RXRA: variants seen among roughly 807,000 people sequenced by gnomAD.
RXRA encodes retinoic acid receptor RXR-alpha.
A neutral mutation model predicts 44.5 loss-of-function variants in RXRA; 5 were observed. The ratio of observed to expected loss-of-function variants is 0.11; its 90% CI spans 0.06 to 0.24. The LOEUF (loss-of-function observed/expected upper bound fraction) is 0.24, where lower values mean the gene tolerates loss of function less well. RXRA is among the 10% of genes least tolerant of loss of function. RXRA has a pLI of 1.00. For missense variants in RXRA, 412 were observed against 646.5 expected, an observed-to-expected ratio of 0.64 and a Z score of 3.93; for synonymous variants, 291 against 271.4, an observed-to-expected ratio of 1.07 and a Z score of -0.71.
chr9:134,428,246 C>A (rs1831467665), intron 6 of RXRA, among the ~76,000 whole-genome samples: 1 of 147,282 alleles, frequency 6.8e-6, no homozygotes, highest in Admixed American at 6.8e-5. Context: ...TGTTGAGGGG[C>A]TGCTGTTACC....
intron 6 of RXRA, chr9:134,425,307 A>C: frequency 5.1e-6 from 5 of 985,262 alleles, no homozygotes; most frequent in Non-Finnish European, 6.0e-6. Flanking sequence ...TAAAGCATTA[A>C]AATGAAGAGT....
chr9:134,416,573 G>A (rs1831238429), intron 4 of RXRA, among the ~76,000 whole-genome samples: 1 of 152,156 alleles, frequency 6.6e-6, no homozygotes, highest in South Asian at 2.1e-4. Context: ...AGGGCCCAGT[G>A]TCCTTGGGAG....
intron 1 of RXRA, among the ~76,000 whole-genome samples, chr9:134,330,460 C>T (rs1486083588): frequency 1.3e-5 from 2 of 152,190 alleles, no homozygotes; most frequent in African/African-American, 2.4e-5. Context: ...TGGGGGTCAC[C>T]TTCCAGACCT....
At chr9:134,377,557 C>T (rs76777717) in intron 1 of RXRA, among the ~76,000 whole-genome samples, 4 of 152,168 alleles carry the variant, frequency 2.6e-5, no homozygotes, top group African/African-American at 9.7e-5. Flanking sequence ...GCCAGCACAC[C>T]CACACCCCCA....
intron 4 of RXRA, among the ~76,000 whole-genome samples, chr9:134,413,599 A>T (rs1831186907): frequency 6.6e-6 from 1 of 152,174 alleles, no homozygotes; most frequent in Non-Finnish European, 1.5e-5. Context: ...TGGGCTGCAC[A>T]AGGGACGGAG....
chr9:134,410,763 A>G (rs34682612), intron 4 of RXRA, among the ~76,000 whole-genome samples: 3,299 of 152,316 alleles, frequency 0.022, 65 homozygotes, highest in Admixed American at 0.047. Flanking sequence ...AGGATGCCAC[A>G]GCACAGAGAG....
intron 1 of RXRA, among the ~76,000 whole-genome samples, chr9:134,362,775 G>GTCCCGGTCAGC (rs1830368128): frequency 6.6e-6 from 1 of 152,258 alleles, no homozygotes; most frequent in African/African-American, 2.4e-5. Context: ...CCCTCATGTG[G>GTCCCGGTCAGC]TCCCGGTCAG....
At chr9:134,382,224 C>T (rs1204545364) in intron 1 of RXRA, among the ~76,000 whole-genome samples, 2 of 152,068 alleles carry the variant, frequency 1.3e-5, no homozygotes, top group Admixed American at 6.5e-5. Context: ...CTGCTGCTGC[C>T]CCTGTGGCCG....
At chr9:134,337,280 G>A (rs1279018575) in intron 1 of RXRA, among the ~76,000 whole-genome samples, 1 of 152,080 alleles carries the variant, frequency 6.6e-6, no homozygotes, top group Non-Finnish European at 1.5e-5. Context: ...GGAAGTAAGC[G>A]CCTCCCACCT....
At chr9:134,358,475 G>A (rs1724034208) in intron 1 of RXRA, among the ~76,000 whole-genome samples, 1 of 152,140 alleles carries the variant, frequency 6.6e-6, no homozygotes, top group African/African-American at 2.4e-5. Context: ...GGCCTGTAAT[G>A]GGGAGGTCAG....
intron 4 of RXRA, among the ~76,000 whole-genome samples, chr9:134,412,764 C>A (rs563625912): frequency 7.4e-4 from 112 of 152,284 alleles, no homozygotes; most frequent in Non-Finnish European, 1.3e-3. Flanking sequence ...AGACAGGCCT[C>A]ACCCTTGGGG....
At chr9:134,344,773 C>T (rs570643183) in intron 1 of RXRA, among the ~76,000 whole-genome samples, 6 of 152,332 alleles carry the variant, frequency 3.9e-5, no homozygotes, top group Admixed American at 3.3e-4. Flanking sequence ...CCACTCTGAC[C>T]GGTGTCTGTC....
At chr9:134,329,775 C>T (rs1834974648) in intron 1 of RXRA, among the ~76,000 whole-genome samples, 1 of 152,222 alleles carries the variant, frequency 6.6e-6, no homozygotes, top group Admixed American at 6.5e-5. Flanking sequence ...CTCTCTTGGC[C>T]CCTGCCCCAT....
intron 1 of RXRA, among the ~76,000 whole-genome samples, chr9:134,345,037 G>A (rs3750545): frequency 3.5e-4 from 53 of 152,288 alleles, no homozygotes; most frequent in Admixed American, 2.7e-3. Flanking sequence ...CCAGAATCAC[G>A]AGGCCCAGTG....
rs930051825 is a variant in RXRA, at chr9:134,433,017, G to A, written c.1135+1021G>A. ...GTGGAGGGAGAGGTTTGGGGCTGCT[G>A]TGGGGAGCTCACTTGGGCTATGGTG... On this transcript the variant is annotated intron_variant, in intron 8 of 9. Coordinates refer to ENST00000481739, the MANE Select transcript of RXRA (RefSeq NM_002957.6). The surrounding 1 kb of genome is among the most constrained non-coding windows in gnomAD (Gnocchi z 4.2). Among the ~76,000 whole-genome samples the A allele has an allele frequency of 6.6e-6, 1 of 152,134 alleles. No individual in the cohort carries two copies. The highest frequency in any genetic ancestry group is 6.5e-5 in the Admixed American group (1 of 15,276).
intron 6 of RXRA, chr9:134,424,980 G>C (rs1397769343): frequency 4.0e-5 from 39 of 985,370 alleles, no homozygotes; most frequent in Non-Finnish European, 4.6e-5. Flanking sequence ...CCCAGTGCTG[G>C]TGGGGGAGGT....
chr9:134,435,385 C>A (rs1290373020), intron 9 of RXRA, among the ~76,000 whole-genome samples: 19 of 148,622 alleles, frequency 1.3e-4, no homozygotes, highest in African/African-American at 4.5e-4. Flanking sequence ...AGACTTCCCC[C>A]CTCCCTCCCG....
intron 6 of RXRA, chr9:134,425,562 G>GT (rs1366109581): frequency 1.4e-6 from 1 of 728,636 alleles, no homozygotes; most frequent in Non-Finnish European, 1.6e-6. Flanking sequence ...GTGGGGGGGG[G>GT]TGAGGGGGGT....
chr9:134,373,329 A>T (rs1234215486), intron 1 of RXRA, among the ~76,000 whole-genome samples: 1 of 151,222 alleles, frequency 6.6e-6, no homozygotes, highest in African/African-American at 2.4e-5. Context: ...GCCGTCTGCC[A>T]GGAACTGTGG....
Sources: allele counts gnomAD v4.1 joint callset (sites outside exome capture counted in the v4.1 genomes callset), GRCh38; gene constraint gnomAD v4.1.1; non-coding constraint Gnocchi (gnomAD v3.1); transcripts MANE v1.5; gene names NCBI Gene and HGNC (gene_info 2026-07-23, HGNC 2026-07-21).